BTBD10: variants seen among roughly 807,000 people sequenced by gnomAD.
BTBD10 encodes the protein BTB/POZ domain-containing protein 10.
Under a neutral mutation model 53.2 loss-of-function variants are expected in BTBD10, and 21 were observed. The observed-to-expected ratio is 0.39, with a 90% CI of 0.28 to 0.57. BTBD10 has a LOEUF of 0.57. Among genes scored for constraint, BTBD10 ranks in the 20% least tolerant of loss-of-function variants. BTBD10 has a pLI of 0.53. For synonymous variants in BTBD10, 149 were observed against 192.7 expected (o/e 0.77, Z 1.88); for missense variants, 360 against 594.7 (o/e 0.61, Z 4.10).
intron 1 of BTBD10, among the ~76,000 whole-genome samples, chr11:13,450,130 TTACA>T (rs1309689527): frequency 1.3e-5 from 2 of 152,144 alleles, no homozygotes; most frequent in African/African-American, 4.8e-5. Context: ...GAGGATAGAA[TTACA>T]TAGTGATCCC....
At chr11:13,403,131 A>G (rs773161110) in intron 8 of BTBD10, 37 bp downstream of exon 8, 2 of 1,282,362 alleles carry the variant, frequency 1.6e-6, no homozygotes, top group Non-Finnish European at 2.2e-6. Context: ...TTTTGTTTTA[A>G]AAAGAAAACT....
chr11:13,431,598 C>T (rs903209770), intron 2 of BTBD10, among the ~76,000 whole-genome samples: 6 of 152,152 alleles, frequency 3.9e-5, no homozygotes, highest in African/African-American at 1.4e-4. Context: ...GGTGAATCAA[C>T]AGGCAGTAAA....
At chr11:13,402,317 C>T (rs921675540) in intron 8 of BTBD10, among the ~76,000 whole-genome samples, 2 of 152,184 alleles carry the variant, frequency 1.3e-5, no homozygotes, top group African/African-American at 4.8e-5. Flanking sequence ...CAAACATATA[C>T]TGCAAACTTA....
chr11:13,457,407 T>C (rs546840637), intron 1 of BTBD10, among the ~76,000 whole-genome samples: 10 of 152,140 alleles, frequency 6.6e-5, no homozygotes, highest in African/African-American at 2.4e-4. Context: ...CTGAATAAAC[T>C]ACATGCATCC....
intron 8 of BTBD10, among the ~76,000 whole-genome samples, chr11:13,390,612 C>T (rs1949383284): frequency 6.6e-6 from 1 of 152,132 alleles, no homozygotes; most frequent in Non-Finnish European, 1.5e-5. Flanking sequence ...GCTGGGATTA[C>T]AGGTGTGAGC....
At chr11:13,394,449 C>G (rs1335338479) in intron 8 of BTBD10, among the ~76,000 whole-genome samples, 1 of 152,186 alleles carries the variant, frequency 6.6e-6, no homozygotes, top group African/African-American at 2.4e-5. Flanking sequence ...TTTCCTGAGG[C>G]CTCCCAGTCA....
chr11:13,414,018 A>G (rs1220576450), intron 5 of BTBD10, among the ~76,000 whole-genome samples: 2 of 152,208 alleles, frequency 1.3e-5, no homozygotes, highest in Non-Finnish European at 2.9e-5. Context: ...AAAGTTTTAA[A>G]CATTTTTTTA....
intron 8 of BTBD10, among the ~76,000 whole-genome samples, chr11:13,390,449 T>G (rs980639389): frequency 3.3e-5 from 5 of 151,998 alleles, no homozygotes; most frequent in African/African-American, 1.2e-4. Context: ...GTTCAAGAGA[T>G]TCTCCTGCCT....
chr11:13,455,912 C>T (rs1950956398), intron 1 of BTBD10, among the ~76,000 whole-genome samples: 1 of 152,130 alleles, frequency 6.6e-6, no homozygotes, highest in Non-Finnish European at 1.5e-5. Flanking sequence ...TGTCTATCAG[C>T]CATCAATTCA....
intron 2 of BTBD10, among the ~76,000 whole-genome samples, chr11:13,429,146 T>C (rs1045141492): frequency 2.0e-5 from 3 of 152,074 alleles, no homozygotes; most frequent in African/African-American, 4.8e-5. Flanking sequence ...TTGGAAATTA[T>C]AAAACATTAC....
intron 2 of BTBD10, among the ~76,000 whole-genome samples, chr11:13,437,537 AAATT>A (rs1164869251): frequency 1.3e-5 from 2 of 152,154 alleles, no homozygotes; most frequent in Non-Finnish European, 2.9e-5. Flanking sequence ...AGAATTGTGT[AAATT>A]AATTATCACA....
At chr11:13,433,213 A>G (rs917772833) in intron 2 of BTBD10, among the ~76,000 whole-genome samples, 6 of 152,124 alleles carry the variant, frequency 3.9e-5, no homozygotes, top group African/African-American at 1.2e-4. Context: ...GGCAGGCCTT[A>G]GAAACTAAAA....
rs114354920 is a variant in BTBD10 at position 13,459,701 on chromosome 11, C to T, written c.-58+3391G>A. Reference sequence around the variant, plus strand: ...CTGTAGGCATTCCATTTCCTTCTCCCTCATAGTATTAGTAGTCCAGCCTGC... The same window carrying T: ...CTGTAGGCATTCCATTTCCTTCTCCTTCATAGTATTAGTAGTCCAGCCTGC... On this transcript the variant is annotated intron_variant, in intron 1 of 8. Transcript: ENST00000278174. The T allele has an allele frequency of 2.7e-3, 417 of 152,300 alleles. 3 individuals are homozygous for T. The highest frequency in any genetic ancestry group is 9.6e-3 in the African/African-American group (401 of 41,560). 9.4% of individuals were successfully genotyped at this position (152,300 alleles called of 1,614,324 possible). A position where few individuals can be genotyped will look rare whatever the true frequency, so the allele number is the denominator to read the frequency against.
At chr11:13,413,732 C>T (rs988738100) in intron 5 of BTBD10, 82 bp from the exon 6 acceptor site, 4 of 1,354,188 alleles carry the variant, frequency 3.0e-6, no homozygotes, top group Admixed American at 4.7e-5. Context: ...GGGCTGGTAA[C>T]ATTTTCAGAA....
intron 1 of BTBD10, among the ~76,000 whole-genome samples, chr11:13,459,042 ATTTTTTTATTTATTTATTTTT>A (rs1427899382): frequency 6.9e-6 from 1 of 144,946 alleles, no homozygotes; most frequent in Non-Finnish European, 1.5e-5. Flanking sequence ...TTATTTATTT[ATTTTTTTATTTATTTATTTTT>A]TTTTTTTTTT....
intron 8 of BTBD10, among the ~76,000 whole-genome samples, chr11:13,400,243 A>G (rs2038562859): frequency 6.6e-6 from 1 of 152,218 alleles, no homozygotes; most frequent in Admixed American, 6.5e-5. Context: ...AGTCTGAGCA[A>G]TGGCGGGTGC....
intron 2 of BTBD10, among the ~76,000 whole-genome samples, chr11:13,440,627 G>A (rs1026168922): frequency 1.3e-5 from 2 of 152,184 alleles, no homozygotes; most frequent in African/African-American, 4.8e-5. Flanking sequence ...GGGCTATGAA[G>A]TGACTTAAAA....
intron 4 of BTBD10, 152 bp downstream of exon 4, chr11:13,419,308 A>G: frequency 9.9e-7 from 1 of 1,009,896 alleles, no homozygotes; most frequent in Non-Finnish European, 1.4e-6. Context: ...TTAACTTGGG[A>G]CAAGTAATTT....
intron 3 of BTBD10, among the ~76,000 whole-genome samples, chr11:13,420,861 C>G (rs576597475): frequency 1.4e-4 from 21 of 152,274 alleles, no homozygotes; most frequent in African/African-American, 3.6e-4. Flanking sequence ...ACTGTCAACT[C>G]TAATTTATAC....
Sources: gnomAD v4.1 joint callset for allele counts (sites outside exome capture counted in the v4.1 genomes callset) on GRCh38, gnomAD v4.1.1 for gene constraint, MANE v1.5 for transcripts, NCBI Gene and HGNC (gene_info 2026-07-23, HGNC 2026-07-21) for gene names.